The following KCND3 variants were observed in gnomAD, a reference collection of about 807,000 sequenced individuals.
KCND3 encodes the protein potassium voltage-gated channel subfamily D member 3, also known as A-type voltage-gated potassium channel KCND3.
A neutral mutation model predicts 51.1 loss-of-function variants in KCND3; 9 were observed. That is an observed-to-expected ratio of 0.18 (90% CI 0.11 to 0.31). The LOEUF (loss-of-function observed/expected upper bound fraction) is 0.31. KCND3 is among the 10% of genes least tolerant of loss of function. The probability of loss-of-function intolerance (pLI) is 1.00; values close to 1 mark genes in which losing one functional copy is unlikely to be tolerated. For synonymous variants in KCND3, 349 were observed against 368.0 expected (o/e 0.95, Z 0.59); for missense variants, 526 against 903.8 (o/e 0.58, Z 5.36).
rs1253350450 is a variant in KCND3 at position 111,773,379 on chromosome 1, T to C, written c.*2698A>G. ...TTAAATTCATCACAGGAAGTTTGTA[T>C]GTGTGTGCAACCAGTTCTAATTTAC... On this transcript the variant is annotated 3_prime_UTR_variant, in exon 8 of 8. Transcript: ENST00000302127. The C allele has an allele frequency of 6.6e-6, 1 of 152,038 alleles. No individual in the cohort carries two copies. The highest frequency in any genetic ancestry group is 2.4e-5 in the African/African-American group (1 of 41,396). The allele number at this position is 152,038 out of a possible 1,614,324, so 9.4% of individuals were successfully genotyped here. A position where few individuals can be genotyped will look rare whatever the true frequency, so the allele number is the denominator to read the frequency against.
At chr1:111,895,754 G>A (rs950250828) in intron 2 of KCND3, among the ~76,000 whole-genome samples, 9 of 152,240 alleles carry the variant, frequency 5.9e-5, no homozygotes, top group African/African-American at 1.9e-4. Context: ...AACAGGCCTC[G>A]GGCCCAGTGG....
intron 2 of KCND3, among the ~76,000 whole-genome samples, chr1:111,827,032 C>T (rs765927472): frequency 1.3e-5 from 2 of 152,202 alleles, no homozygotes; most frequent in African/African-American, 2.4e-5. Context: ...TTTCTTTGTG[C>T]ATCATGTCAG....
intron 2 of KCND3, among the ~76,000 whole-genome samples, chr1:111,891,706 A>C (rs1669828608): frequency 6.6e-6 from 1 of 152,216 alleles, no homozygotes; most frequent in Non-Finnish European, 1.5e-5. Context: ...AGATTCACTA[A>C]ATGCAGAAAT....
chr1:111,967,052 A>C (rs531384566), intron 2 of KCND3, among the ~76,000 whole-genome samples: 2 of 151,738 alleles, frequency 1.3e-5, no homozygotes, highest in Admixed American at 6.6e-5. Flanking sequence ...AGGCAGGAGA[A>C]TCGCTTGAGC....
intron 2 of KCND3, among the ~76,000 whole-genome samples, chr1:111,841,243 G>A (rs1029605744): frequency 6.6e-6 from 1 of 152,174 alleles, no homozygotes; most frequent in Non-Finnish European, 1.5e-5. Context: ...TCACATGGGC[G>A]GCTTCCTCTG....
Position 111,977,668 on chromosome 1 carries a change from C to A in KCND3, c.1106+3953G>T, listed in dbSNP as rs1291469066. 2.0e-5 allele frequency among the ~76,000 whole-genome samples: 3 copies of A among 152,164 alleles called. No homozygotes were observed. The South Asian group carries it at 6.2e-4, about 32-fold the overall frequency. ...TGGGACTGGCCTCCCATGGTCCTTG[C>A]GGATGCTCGCTTGCAAGGCTTTACT... On this transcript the variant is annotated intron_variant, in intron 2 of 7. Coordinates refer to ENST00000302127, the MANE Select transcript of KCND3 (RefSeq NM_001378969.1).
At chr1:111,939,399 G>T (rs59121172) in intron 2 of KCND3, among the ~76,000 whole-genome samples, 1,792 of 152,044 alleles carry the variant, frequency 0.012, 36 homozygotes, top group African/African-American at 0.041. Flanking sequence ...CCCCCAACAG[G>T]CCCGGGTGTG....
chr1:111,782,060 C>T (rs1310566777), intron 3 of KCND3, among the ~76,000 whole-genome samples: 2 of 152,194 alleles, frequency 1.3e-5, no homozygotes, highest in Non-Finnish European at 2.9e-5. Flanking sequence ...AAGGTCCCTC[C>T]TCCTGGCTCT....
intron 2 of KCND3, among the ~76,000 whole-genome samples, chr1:111,866,613 C>CACACACACACAG (rs1668586524): frequency 6.6e-6 from 1 of 151,346 alleles, no homozygotes; most frequent in African/African-American, 2.4e-5. Context: ...CACACACACA[C>CACACACACACAG]ACACACACAC....
At chr1:111,894,602 G>A (rs1332628107) in intron 2 of KCND3, among the ~76,000 whole-genome samples, 1 of 152,190 alleles carries the variant, frequency 6.6e-6, no homozygotes, top group Non-Finnish European at 1.5e-5. Flanking sequence ...TCTCTTCCCG[G>A]GAATGAAGGA....
chr1:111,950,423 G>A (rs80011617), intron 2 of KCND3, among the ~76,000 whole-genome samples: 3,483 of 152,274 alleles, frequency 0.023, 97 homozygotes, highest in East Asian at 0.14. Context: ...TCAAGTGCAA[G>A]ACTTTATCCC....
intron 2 of KCND3, among the ~76,000 whole-genome samples, chr1:111,957,571 GA>G (rs2101921497): frequency 6.6e-6 from 1 of 152,042 alleles, no homozygotes; most frequent in Admixed American, 6.5e-5. Flanking sequence ...AAAAAAAAAA[GA>G]GAGATATGTG....
At chr1:111,973,627 A>T (rs1674465239) in intron 2 of KCND3, among the ~76,000 whole-genome samples, 1 of 152,266 alleles carries the variant, frequency 6.6e-6, no homozygotes, top group South Asian at 2.1e-4. Flanking sequence ...CTTCTGAAGC[A>T]AACAAATATC....
At chr1:111,813,653 C>G (rs895223697) in intron 2 of KCND3, among the ~76,000 whole-genome samples, 3 of 152,118 alleles carry the variant, frequency 2.0e-5, no homozygotes, top group African/African-American at 7.2e-5. Flanking sequence ...AGGCTCTGCT[C>G]TGGGAATCTT....
chr1:111,966,004 A>T (rs536338257), intron 2 of KCND3, among the ~76,000 whole-genome samples: 3 of 152,164 alleles, frequency 2.0e-5, no homozygotes, highest in Non-Finnish European at 4.4e-5. Context: ...AGGCTTTCAG[A>T]TGGTGGTGAC....
Position 111,907,562 on chromosome 1 carries a change from G to C in KCND3, c.1106+74059C>G, listed in dbSNP as rs141697080. Among the ~76,000 whole-genome samples, 385 of 152,336 alleles carry C rather than the reference G, an allele frequency of 2.5e-3. 1 individual carries two copies. In the Middle Eastern group the frequency reaches 0.027, roughly 11 times the overall value. Reference sequence around the variant, plus strand: ...GCTGACATCCTGACTACAATCACGTGAGGGTTCTTAAGCCAGAGGCACCCA... The same window carrying C: ...GCTGACATCCTGACTACAATCACGTCAGGGTTCTTAAGCCAGAGGCACCCA... On this transcript the variant is annotated intron_variant, in intron 2 of 7. Transcript: ENST00000302127.
chr1:111,824,791 C>T (rs1383663642), intron 2 of KCND3, among the ~76,000 whole-genome samples: 1 of 152,182 alleles, frequency 6.6e-6, no homozygotes, highest in Non-Finnish European at 1.5e-5. Context: ...ACCCCTCTTC[C>T]TTACCCCTCC....
intron 2 of KCND3, among the ~76,000 whole-genome samples, chr1:111,924,479 T>C (rs957470953): frequency 6.6e-6 from 1 of 152,216 alleles, no homozygotes; most frequent in Non-Finnish European, 1.5e-5. Flanking sequence ...AAGTTTTTAT[T>C]TGTTAACATG....
chr1:111,903,429 TG>T, intron 2 of KCND3, among the ~76,000 whole-genome samples: 1 of 152,354 alleles, frequency 6.6e-6, no homozygotes, highest in South Asian at 2.1e-4. Context: ...CAGTATGTCC[TG>T]GGCCAACTGT....
Sources: allele counts gnomAD v4.1 joint callset (sites outside exome capture counted in the v4.1 genomes callset), GRCh38; gene constraint gnomAD v4.1.1; transcripts MANE v1.5; gene names NCBI Gene and HGNC (gene_info 2026-07-23, HGNC 2026-07-21).